The following ITPR1 variants were observed in gnomAD, a reference collection of about 807,000 sequenced individuals.
ITPR1 encodes inositol 1,4,5-trisphosphate-gated calcium channel ITPR1.
ITPR1 carries 96 observed loss-of-function variants against 318.4 expected under a neutral mutation model. The observed-to-expected ratio is 0.30, with a 90% CI of 0.26 to 0.36. ITPR1 has a LOEUF of 0.36. Among genes scored for constraint, ITPR1 ranks in the 10% least tolerant of loss-of-function variants. The pLI, the probability that ITPR1 is intolerant of heterozygous loss-of-function variation, is 1.00. For synonymous variants in ITPR1, 1,312 were observed against 1,289.9 expected (o/e 1.02, Z -0.37); for missense variants, 2,440 against 3,460.2 (o/e 0.71, Z 7.40).
intron 52 of ITPR1, 117 bp downstream of exon 52, chr3:4,788,256 C>T (rs2047330846): frequency 2.4e-6 from 2 of 816,800 alleles, no homozygotes; most frequent in East Asian, 2.7e-5. Flanking sequence ...ATTTATGATA[C>T]TTTGCACCTC....
intron 4 of ITPR1, among the ~76,000 whole-genome samples, chr3:4,536,764 A>G (rs545686997): frequency 6.6e-6 from 1 of 152,340 alleles, no homozygotes; most frequent in African/African-American, 2.4e-5. Context: ...TGCATTTTAA[A>G]TTACTTCTAG....
At chr3:4,675,932 G>A (rs1009723666) in intron 23 of ITPR1, among the ~76,000 whole-genome samples, 4 of 152,068 alleles carry the variant, frequency 2.6e-5, no homozygotes, top group Non-Finnish European at 5.9e-5. Context: ...TTGTAGATGA[G>A]GAGACTGAGG....
intron 5 of ITPR1, among the ~76,000 whole-genome samples, chr3:4,629,344 C>T (rs1437722660): frequency 6.6e-6 from 1 of 152,058 alleles, no homozygotes; most frequent in Non-Finnish European, 1.5e-5. Context: ...GTGTCTCAGC[C>T]GAAGTGTCAT....
At chr3:4,628,136 G>A (rs981690488) in intron 5 of ITPR1, among the ~76,000 whole-genome samples, 8 of 152,160 alleles carry the variant, frequency 5.3e-5, no homozygotes, top group Non-Finnish European at 1.0e-4. Flanking sequence ...GTGGTTATGA[G>A]TACAGGCACT....
chr3:4,580,633 C>T (rs763593146), intron 4 of ITPR1, among the ~76,000 whole-genome samples: 6 of 152,306 alleles, frequency 3.9e-5, no homozygotes, highest in African/African-American at 7.2e-5. Context: ...TTTGCCTTGC[C>T]GTCCCAGGTG....
intron 54 of ITPR1, among the ~76,000 whole-genome samples, chr3:4,801,927 TAA>T (rs1388809531): frequency 6.6e-6 from 1 of 152,004 alleles, no homozygotes; most frequent in African/African-American, 2.4e-5. Context: ...AGACAATAAA[TAA>T]AGAGTTTCAC....
At chr3:4,649,866 G>C (rs1400212335) in intron 10 of ITPR1, among the ~76,000 whole-genome samples, 1 of 152,152 alleles carries the variant, frequency 6.6e-6, no homozygotes, top group Non-Finnish European at 1.5e-5. Flanking sequence ...TATAAGGGCA[G>C]TGTTCTTATT....
intron 39 of ITPR1, among the ~76,000 whole-genome samples, chr3:4,713,965 G>A (rs941830059): frequency 2.0e-5 from 3 of 152,128 alleles, no homozygotes; most frequent in Non-Finnish European, 4.4e-5. Flanking sequence ...TCGTGCTTCT[G>A]GCCCAATGCT....
At chr3:4,836,097 A>G (rs2050893275) in intron 60 of ITPR1, among the ~76,000 whole-genome samples, 1 of 152,200 alleles carries the variant, frequency 6.6e-6, no homozygotes, top group South Asian at 2.1e-4. Flanking sequence ...CTGTTAAGTG[A>G]CAGAACACCT....
chr3:4,781,254 G>A (rs757681262), intron 49 of ITPR1, among the ~76,000 whole-genome samples: 3 of 152,186 alleles, frequency 2.0e-5, no homozygotes, highest in Non-Finnish European at 4.4e-5. Flanking sequence ...ATGGCCTCGT[G>A]GCAATGGGGG....
intron 4 of ITPR1, among the ~76,000 whole-genome samples, chr3:4,572,093 C>A (rs1313921695): frequency 6.6e-6 from 1 of 152,198 alleles, no homozygotes; most frequent in African/African-American, 2.4e-5. Context: ...TCATCTCTTT[C>A]TTTACTTTGC....
intron 4 of ITPR1, among the ~76,000 whole-genome samples, chr3:4,582,514 T>C (rs1255646425): frequency 6.6e-6 from 1 of 152,180 alleles, no homozygotes; most frequent in Non-Finnish European, 1.5e-5. Context: ...TCTTGTGTGC[T>C]TCTCTATTCT....
chr3:4,694,303 A>T (rs551696425), intron 33 of ITPR1, among the ~76,000 whole-genome samples: 90 of 136,220 alleles, frequency 6.6e-4, no homozygotes, highest in African/African-American at 3.0e-3. Flanking sequence ...TATTTATGAT[A>T]TATAAAGTAT....
intron 4 of ITPR1, among the ~76,000 whole-genome samples, chr3:4,529,996 CTCT>C (rs2083283816): frequency 6.6e-6 from 1 of 152,140 alleles, no homozygotes; most frequent in South Asian, 2.1e-4. Flanking sequence ...ATAAATCCTC[CTCT>C]TAACAGCTAC....
chr3:4,612,229 T>C (rs2092169960), intron 4 of ITPR1, among the ~76,000 whole-genome samples: 1 of 152,010 alleles, frequency 6.6e-6, no homozygotes, highest in Non-Finnish European at 1.5e-5. Context: ...GCCTGGCTAA[T>C]TTTTATACAT....
chr3:4,737,957 G>C (rs1400823476), intron 44 of ITPR1, among the ~76,000 whole-genome samples: 4 of 152,124 alleles, frequency 2.6e-5, no homozygotes, highest in African/African-American at 9.7e-5. Flanking sequence ...AAATAACACA[G>C]GAACAGAAAA....
At chr3:4,717,285 G>C (rs2041840622) in intron 39 of ITPR1, 82 bp from the exon 40 acceptor site, 4 of 1,177,940 alleles carry the variant, frequency 3.4e-6, no homozygotes, top group East Asian at 4.7e-5. Context: ...TCAGCAATAA[G>C]AGTAAAGTCT....
intron 61 of ITPR1, among the ~76,000 whole-genome samples, chr3:4,842,890 A>T (rs918074435): frequency 1.3e-5 from 2 of 152,174 alleles, no homozygotes; most frequent in East Asian, 3.8e-4. Context: ...GCCTTATAAC[A>T]AGATATATAG....
intron 2 of ITPR1, among the ~76,000 whole-genome samples, chr3:4,500,649 C>CA (rs954133680): frequency 1.5e-4 from 23 of 152,272 alleles, no homozygotes; most frequent in African/African-American, 5.5e-4. Flanking sequence ...TTGACCTATC[C>CA]TTGCCTTTTT....
Sources: gnomAD v4.1 joint callset for allele counts (sites outside exome capture counted in the v4.1 genomes callset) on GRCh38, gnomAD v4.1.1 for gene constraint, MANE v1.5 for transcripts, NCBI Gene and HGNC (gene_info 2026-07-23, HGNC 2026-07-21) for gene names.